The following SAMD5 variants were observed in gnomAD, a reference collection of about 807,000 sequenced individuals.
SAMD5 encodes sterile alpha motif domain containing 5.
In SAMD5, 13 loss-of-function variants were observed where a neutral mutation model predicts 11.3. That is an observed-to-expected ratio of 1.15 (90% CI 0.75 to 1.83). SAMD5 has a LOEUF of 1.83. Among genes scored for constraint, SAMD5 ranks in the 40% most tolerant of loss-of-function variants. The pLI is 0.00. For missense variants in SAMD5, 255 were observed against 239.1 expected (o/e 1.07, Z -0.44); for synonymous variants, 129 against 111.3 (o/e 1.16, Z -1.00).
the SAMD5 span, among the ~76,000 whole-genome samples, chr6:147,798,279 A>G: frequency 6.7e-6 from 1 of 149,664 alleles, no homozygotes; most frequent in Non-Finnish European, 1.5e-5. Context: ...CTTTGTTCTC[A>G]TTTGTTTCAA....
At chr6:147,516,061 G>T (rs1217480533) in intron 1 of SAMD5, among the ~76,000 whole-genome samples, 1 of 152,102 alleles carries the variant, frequency 6.6e-6, no homozygotes, top group African/African-American at 2.4e-5. Flanking sequence ...TGATTCTCAG[G>T]CTCATGCAAG....
At position 147,566,191 on chromosome 6, in the gene SAMD5, G is replaced by A. The variant is rs1318985102; in HGVS notation, c.*1735G>A. The A allele has an allele frequency of 1.0e-5, 10 of 976,546 alleles. No individual in the cohort carries two copies. The highest frequency in any genetic ancestry group is 1.2e-5 in the Non-Finnish European group (10 of 822,076). The allele number at this position is 976,546 out of a possible 1,614,324, so 60.5% of individuals were successfully genotyped here. ...ATCAGTCTCATTATCATATACAAAT[G>A]TAAGGAAGTTAAATTTTAAAAGCAT... On this transcript the variant is annotated 3_prime_UTR_variant, in exon 2 of 2. Transcript: ENST00000367474.
At chr6:147,798,053 T>C in the SAMD5 span, among the ~76,000 whole-genome samples, 1 of 146,264 alleles carries the variant, frequency 6.8e-6, no homozygotes, top group Non-Finnish European at 1.5e-5. Context: ...AGGGTTTTTT[T>C]TGTCTCTATT....
chr6:147,791,714 C>T, the SAMD5 span, among the ~76,000 whole-genome samples: 1 of 151,930 alleles, frequency 6.6e-6, no homozygotes, highest in African/African-American at 2.4e-5. Flanking sequence ...AAATTTTTCC[C>T]CAGAATTATA....
chr6:147,757,611 G>C, the SAMD5 span, among the ~76,000 whole-genome samples: 80 of 152,302 alleles, frequency 5.3e-4, 1 homozygote, highest in South Asian at 8.9e-3. Flanking sequence ...CATAGCAATA[G>C]ATTCCCTTTA....
intron 1 of SAMD5, among the ~76,000 whole-genome samples, chr6:147,656,252 C>A (rs561380135): frequency 6.6e-6 from 1 of 152,242 alleles, no homozygotes; most frequent in East Asian, 1.9e-4. Flanking sequence ...GAAAACATGA[C>A]CGAATCCCTC....
intron 1 of SAMD5, among the ~76,000 whole-genome samples, chr6:147,588,622 A>G (rs1334950474): frequency 6.6e-6 from 1 of 151,824 alleles, no homozygotes; most frequent in Non-Finnish European, 1.5e-5. Context: ...CACCGCGCCC[A>G]GCCTGTCCAG....
the SAMD5 span, among the ~76,000 whole-genome samples, chr6:147,862,966 G>A: frequency 6.6e-6 from 1 of 152,130 alleles, no homozygotes; most frequent in African/African-American, 2.4e-5. Flanking sequence ...GCTTCCAAGA[G>A]TATTTCCAAA....
intron 1 of SAMD5, among the ~76,000 whole-genome samples, chr6:147,617,392 A>G (rs1247113498): frequency 6.6e-6 from 1 of 152,184 alleles, no homozygotes; most frequent in Non-Finnish European, 1.5e-5. Context: ...GGAAAAAGCA[A>G]CTTTTCTGAT....
At chr6:147,790,478 G>A in the SAMD5 span, among the ~76,000 whole-genome samples, 1 of 152,188 alleles carries the variant, frequency 6.6e-6, no homozygotes, top group Admixed American at 6.5e-5. Context: ...TCTTTATTTG[G>A]AAATTAAGTG....
At position 147,592,234 on chromosome 6, in the gene SAMD5, C is replaced by T. The variant is rs1312658684; in HGVS notation, c.162+82847C>T. 2.6e-5 allele frequency among the ~76,000 whole-genome samples: 4 copies of T among 152,120 alleles called. No individual in the cohort carries two copies. The South Asian group carries it at 6.2e-4, about 24-fold the overall frequency. ...CAACTGCTAGGCTCCAGCGATCCTC[C>T]TGCCTAAACAGGTATTTTCCTAAAC... is the stretch of plus-strand genomic sequence containing the variant. On this transcript the variant is annotated intron_variant, in intron 1 of 1. Transcript: ENST00000566741.
chr6:147,953,806 G>A, the SAMD5 span: 1 of 152,068 alleles, frequency 6.6e-6, no homozygotes, highest in Non-Finnish European at 1.5e-5. Flanking sequence ...TACATCTTTG[G>A]GCACCCAAGT....
intron 1 of SAMD5, among the ~76,000 whole-genome samples, chr6:147,687,276 C>CTTT (rs59851113): frequency 1.5e-3 from 160 of 104,904 alleles, no homozygotes; most frequent in Non-Finnish European, 2.0e-3. Flanking sequence ...TCTCCTCCTT[C>CTTT]TTTTTTTTTT....
chr6:147,951,531 C>G, the SAMD5 span, among the ~76,000 whole-genome samples: 1 of 152,136 alleles, frequency 6.6e-6, no homozygotes, highest in African/African-American at 2.4e-5. Context: ...ATGAGCAACT[C>G]AAGTACACAG....
rs1789059576 is a variant in SAMD5 at position 147,567,398 on chromosome 6, A to G, written c.*2942A>G. On this transcript the variant is annotated 3_prime_UTR_variant, in exon 2 of 2. Transcript: ENST00000367474. Reference sequence around the variant, plus strand: ...TTCACTTTGGAGTTACTCAGATCTGAGTTTAAATTCTAAAATTATTCTAGT... The same window carrying G: ...TTCACTTTGGAGTTACTCAGATCTGGGTTTAAATTCTAAAATTATTCTAGT... The G allele has an allele frequency of 1.0e-6, 1 of 984,436 alleles. No individual in the cohort carries two copies. Among genetic ancestry groups the G allele is most frequent in the African/African-American group, 1.7e-5 (1 of 57,218 alleles). 61.0% of individuals were successfully genotyped at this position (984,436 alleles called of 1,614,324 possible).
intron 1 of SAMD5, among the ~76,000 whole-genome samples, chr6:147,681,276 C>T (rs1414907814): frequency 3.9e-5 from 6 of 152,098 alleles, no homozygotes; most frequent in Admixed American, 6.5e-5. Context: ...CCTGTTGCTA[C>T]GTCTTCAAGT....
chr6:147,921,290 C>CACACACAT, the SAMD5 span, among the ~76,000 whole-genome samples: 2 of 151,560 alleles, frequency 1.3e-5, no homozygotes, highest in African/African-American at 4.8e-5. Context: ...CACACACACA[C>CACACACAT]ACACACACAC....
rs945035514 is a variant in SAMD5 at position 147,565,576 on chromosome 6, G to A, written c.*1120G>A. 2 of 496,586 alleles carry A rather than the reference G, an allele frequency of 4.0e-6. No individual in the cohort carries two copies. Among genetic ancestry groups the A allele is most frequent in the African/African-American group, 2.1e-5 (1 of 47,596 alleles). The allele number at this position is 496,586 out of a possible 1,614,324, so 30.8% of individuals were successfully genotyped here. A position where few individuals can be genotyped will look rare whatever the true frequency, so the allele number is the denominator to read the frequency against. On this transcript the variant is annotated 3_prime_UTR_variant, in exon 2 of 2. Coordinates refer to ENST00000367474, the MANE Select transcript of SAMD5 (RefSeq NM_001030060.3). The stretch of plus-strand genomic sequence containing the variant: ...CAGGTTCAAGGAATTCTCCTGCCTC[G>A]GCCTCTTGGTAGCTGGGATTACAGG...
chr6:147,914,165 T>C, the SAMD5 span, among the ~76,000 whole-genome samples: 1 of 151,920 alleles, frequency 6.6e-6, no homozygotes, highest in Non-Finnish European at 1.5e-5. Flanking sequence ...CGACTTTTTT[T>C]TTTTTTTTTT....
Sources: allele counts gnomAD v4.1 joint callset (sites outside exome capture counted in the v4.1 genomes callset), GRCh38; gene constraint gnomAD v4.1.1; transcripts MANE v1.5; gene names NCBI Gene and HGNC (gene_info 2026-07-23, HGNC 2026-07-21).